FANCA: variants seen among roughly 807,000 people sequenced by gnomAD.
FANCA encodes FA complementation group A.
A neutral mutation model predicts 194.3 loss-of-function variants in FANCA; 236 were observed. The observed-to-expected ratio is 1.21, with a 90% CI of 1.09 to 1.35. FANCA has a LOEUF of 1.35. FANCA is among the 40% of genes most tolerant of loss of function. The pLI is 0.00. For missense variants in FANCA, 2,628 were observed against 1,813.9 expected (o/e 1.45, Z -8.15); for synonymous variants, 1,014 against 715.8 (o/e 1.42, Z -6.65).
At chr16:89,805,954 C>G (rs558031311) in intron 6 of FANCA, among the ~76,000 whole-genome samples, 1 of 151,790 alleles carries the variant, frequency 6.6e-6, no homozygotes, top group East Asian at 1.9e-4. Context: ...CTCTTGTCAT[C>G]CAGGCTGGAG....
chr16:89,783,700 C>T (rs542937501), intron 15 of FANCA, among the ~76,000 whole-genome samples: 1 of 152,298 alleles, frequency 6.6e-6, no homozygotes, highest in East Asian at 1.9e-4. Flanking sequence ...CAGCAGGAAC[C>T]GGCCCCGGCC....
chr16:89,801,786 G>A (rs1004691801), intron 8 of FANCA, among the ~76,000 whole-genome samples: 48 of 151,918 alleles, frequency 3.2e-4, no homozygotes, highest in Non-Finnish European at 2.8e-4. Context: ...TATTCGGGAG[G>A]CTGAGGCAGG....
intron 30 of FANCA, among the ~76,000 whole-genome samples, chr16:89,758,202 G>A (rs759294283): frequency 5.9e-5 from 9 of 152,294 alleles, no homozygotes; most frequent in East Asian, 1.9e-4. Flanking sequence ...AGAAACAACC[G>A]ATGCAGGAAG....
rs2040366797 is a variant in FANCA at position 89,799,530 on chromosome 16, A to T, written c.826+75T>A. The T allele has an allele frequency of 2.9e-6, 4 of 1,376,494 alleles. No homozygotes were observed. The South Asian group carries it at 4.6e-5, about 16-fold the overall frequency. The allele number at this position is 1,376,494 out of a possible 1,614,324, so 85.3% of individuals were successfully genotyped here. A position where few individuals can be genotyped will look rare whatever the true frequency, so the allele number is the denominator to read the frequency against. ...CAGAGGAGAAATACCTCAAATGGAAAGGCAGAAAACTGATACAATTGCTAA... is the reference window on the plus strand; with the variant it reads ...CAGAGGAGAAATACCTCAAATGGAATGGCAGAAAACTGATACAATTGCTAA... On this transcript the variant is annotated intron_variant, in intron 9 of 42. Transcript: ENST00000389301.
At chr16:89,776,426 C>G (rs1290156625) in intron 20 of FANCA, among the ~76,000 whole-genome samples, 2 of 151,834 alleles carry the variant, frequency 1.3e-5, no homozygotes, top group East Asian at 3.9e-4. Flanking sequence ...CTCAGCCTCC[C>G]AAAGTGCTGG....
Position 89,737,775 on chromosome 16 carries a change from G to A in FANCA, c.*826C>T, listed in dbSNP as rs769097470. 62 of 1,613,736 alleles carry A rather than the reference G, an allele frequency of 3.8e-5. No individual in the cohort carries two copies. Among genetic ancestry groups the A allele is most frequent in the Non-Finnish European group, 4.6e-5 (54 of 1,179,884 alleles). ...CCCCCCGGGAGGTTGGAGCATCAGG[G>A]GCCTGGACTCACTGGACTCTCCCCT... On this transcript the variant is annotated 3_prime_UTR_variant, in exon 43 of 43. Transcript: ENST00000389301.
intron 10 of FANCA, chr16:89,798,818 A>G: frequency 6.9e-7 from 1 of 1,455,168 alleles, no homozygotes; most frequent in South Asian, 1.4e-5. Flanking sequence ...AGGCAGGGCC[A>G]GCTCTAGAGC....
At chr16:89,811,947 G>C (rs996504540) in intron 3 of FANCA, among the ~76,000 whole-genome samples, 96 of 150,978 alleles carry the variant, frequency 6.4e-4, no homozygotes, top group Admixed American at 1.2e-3. Flanking sequence ...GGCTAGGCTC[G>C]TCTCCAATTC....
chr16:89,758,801 C>A, intron 29 of FANCA, 96 bp from the exon 30 acceptor site: 1 of 1,575,146 alleles, frequency 6.3e-7, no homozygotes. Context: ...GGACACACAG[C>A]ACTAGTGAGA....
intron 30 of FANCA, among the ~76,000 whole-genome samples, chr16:89,756,640 A>G (rs1252030777): frequency 6.6e-6 from 1 of 152,196 alleles, no homozygotes; most frequent in Non-Finnish European, 1.5e-5. Flanking sequence ...TAAATAAGAC[A>G]AAGTAAGACT....
chr16:89,807,178 G>GTTTTT (rs1372752404), intron 6 of FANCA, among the ~76,000 whole-genome samples: 1 of 147,830 alleles, frequency 6.8e-6, no homozygotes, highest in Admixed American at 6.7e-5. Flanking sequence ...TAGGAAGCAG[G>GTTTTT]TTTTTCTTTT....
chr16:89,793,991 C>A (rs145589787), intron 11 of FANCA, among the ~76,000 whole-genome samples: 5,133 of 152,140 alleles, frequency 0.034, 136 homozygotes, highest in Middle Eastern at 0.18. Context: ...ACCTCGTGAC[C>A]TGCCCGTCTC....
chr16:89,801,922 C>G (rs191909587), intron 8 of FANCA, among the ~76,000 whole-genome samples: 1 of 152,090 alleles, frequency 6.6e-6, no homozygotes, highest in African/African-American at 2.4e-5. Flanking sequence ...AAAACCAGAA[C>G]TGCCATATGA....
chr16:89,796,612 T>C (rs908352049), intron 10 of FANCA, among the ~76,000 whole-genome samples: 1 of 152,158 alleles, frequency 6.6e-6, no homozygotes, highest in East Asian at 1.9e-4. Context: ...TGAGGTCTGT[T>C]AGCCTGCCAC....
chr16:89,771,777 CA>C lies in FANCA; in HGVS notation c.2051del (p.Leu684ArgfsTer40). On this transcript the variant is annotated frameshift_variant, in exon 23 of 43. Transcript: ENST00000389301. LOFTEE classifies it high-confidence loss of function. ...SAQVAVISER[L>X]RAVLGHNEDD... ...CCTCATTGTGGCCCAGGACAGCCCT[CA>C]GTCTTTCAGAAATCACTGCCACCTG... The C allele has an allele frequency of 6.2e-7, 1 of 1,614,088 alleles. No homozygotes were observed.
intron 36 of FANCA, chr16:89,744,617 A>T (rs1194851736): frequency 2.7e-6 from 1 of 368,220 alleles, no homozygotes; most frequent in Non-Finnish European, 5.3e-6. Flanking sequence ...CTCAGACGGG[A>T]GCCTGGGAGA....
chr16:89,775,522 C>T (rs1020863603), intron 21 of FANCA, among the ~76,000 whole-genome samples: 15 of 152,348 alleles, frequency 9.8e-5, no homozygotes, highest in Non-Finnish European at 1.5e-4. Flanking sequence ...CACTCCTTTC[C>T]GGAAGGTGCT....
At chr16:89,793,511 G>GTA (rs1263398459) in intron 11 of FANCA, among the ~76,000 whole-genome samples, 1 of 152,120 alleles carries the variant, frequency 6.6e-6, no homozygotes, top group Admixed American at 6.5e-5. Context: ...TCTATATCTG[G>GTA]TATAACTATT....
In FANCA at chr16:89,799,183, G is replaced by A. The variant is rs527897404; in HGVS notation, c.876C>T (p.His292=). The change falls in exon 10 of 43, where the codon CAC becomes CAT. Residue 292 remains histidine (H), a synonymous_variant. Transcript: ENST00000389301. The stretch of plus-strand genomic sequence containing the variant: ...GAACATACCAGCACCTCACGATCTT[G>A]TGAGTGGAGGACTCCTCCTGTACTC... ...AAGVQEESST[H]KIVRCWFGVF... is the part of the protein sequence containing the mutation. The A allele has an allele frequency of 1.9e-6, 3 of 1,614,164 alleles. No individual in the cohort carries two copies. Among genetic ancestry groups the A allele is most frequent in the Non-Finnish European group, 2.5e-6 (3 of 1,180,046 alleles).
Sources: allele counts gnomAD v4.1 joint callset (sites outside exome capture counted in the v4.1 genomes callset), GRCh38; gene constraint gnomAD v4.1.1; transcripts MANE v1.5; gene names NCBI Gene and HGNC (gene_info 2026-07-23, HGNC 2026-07-21).